LRRTM4: variants seen among roughly 807,000 people sequenced by gnomAD.
LRRTM4 encodes the protein leucine-rich repeat transmembrane neuronal protein 4.
Under a neutral mutation model 47.6 loss-of-function variants are expected in LRRTM4, and 25 were observed. The observed-to-expected ratio is 0.53, with a 90% CI of 0.38 to 0.73. LRRTM4 has a LOEUF of 0.73. Ranked by LOEUF, LRRTM4 falls within the 30% of genes least tolerant of loss-of-function variation. The pLI is 0.00. For synonymous variants in LRRTM4, 311 were observed against 269.5 expected (o/e 1.15, Z -1.51); for missense variants, 638 against 713.4 (o/e 0.89, Z 1.20).
chr2:76,919,030 G>T (rs1016160376), intron 3 of LRRTM4, among the ~76,000 whole-genome samples: 1 of 152,244 alleles, frequency 6.6e-6, no homozygotes, highest in South Asian at 2.1e-4. Flanking sequence ...CAAAATTCAG[G>T]AGAAACTAGG....
At chr2:77,455,636 T>C (rs1209786694) in intron 3 of LRRTM4, among the ~76,000 whole-genome samples, 1 of 152,048 alleles carries the variant, frequency 6.6e-6, no homozygotes, top group South Asian at 2.1e-4. Flanking sequence ...CACCATTACC[T>C]CTATGCTACT....
At chr2:77,061,611 G>T (rs1679787369) in intron 3 of LRRTM4, among the ~76,000 whole-genome samples, 1 of 152,040 alleles carries the variant, frequency 6.6e-6, no homozygotes, top group African/African-American at 2.4e-5. Flanking sequence ...CTTTTTGGTT[G>T]CAGCATTGCT....
At chr2:77,343,060 G>T (rs1253077853) in intron 3 of LRRTM4, among the ~76,000 whole-genome samples, 3 of 152,092 alleles carry the variant, frequency 2.0e-5, no homozygotes, top group African/African-American at 7.2e-5. Context: ...TAAGAGGAAA[G>T]CAAATTAATT....
intron 3 of LRRTM4, among the ~76,000 whole-genome samples, chr2:76,797,110 G>C (rs907000585): frequency 3.3e-5 from 5 of 151,984 alleles, no homozygotes; most frequent in Non-Finnish European, 5.9e-5. Flanking sequence ...AGGAAATACA[G>C]AGAATGCCAC....
In LRRTM4 at chr2:76,921,423, A is replaced by G. The variant is rs1025119508; in HGVS notation, c.1552-172507T>C. Reference sequence around the variant, plus strand: ...ACCTGGTAGAGGTAATGTTTGACAGATTTCTCTACTGTGAAGTTACCTTTC... The same window carrying G: ...ACCTGGTAGAGGTAATGTTTGACAGGTTTCTCTACTGTGAAGTTACCTTTC... On this transcript the variant is annotated intron_variant, in intron 3 of 3. Coordinates refer to ENST00000409884, the MANE Select transcript of LRRTM4 (RefSeq NM_001134745.3). Among the ~76,000 whole-genome samples the G allele has an allele frequency of 8.6e-5, 13 of 151,960 alleles. No homozygotes were observed. In the East Asian group the frequency reaches 1.9e-3, roughly 23 times the overall value.
rs532152452 is a variant in LRRTM4, at chr2:77,518,903, T to C, written c.966A>G (p.Leu322=). Residue 322 remains leucine, a synonymous_variant, in exon 3 of 4, where the codon TTA becomes TTG. Coordinates refer to ENST00000409884, the MANE Select transcript of LRRTM4 (RefSeq NM_001134745.3). ...CTTTGAAATTCTTAAGCCAATAAAA[T>C]AAAGGACAAATGCTCCGACTGCATT... The part of the protein sequence containing the change: ...MWECSRSICP[L]FYWLKNFKGN... 1 of 1,606,806 alleles carries C rather than the reference T, an allele frequency of 6.2e-7. No homozygotes were observed. Among genetic ancestry groups the C allele is most frequent in the African/African-American group, 1.3e-5 (1 of 74,938 alleles).
chr2:77,068,976 A>G (rs978213367), intron 3 of LRRTM4, among the ~76,000 whole-genome samples: 1 of 152,112 alleles, frequency 6.6e-6, no homozygotes, highest in African/African-American at 2.4e-5. Context: ...CCTGCTGCAG[A>G]TATCTAGCCA....
intron 3 of LRRTM4, among the ~76,000 whole-genome samples, chr2:77,189,456 G>A (rs896215442): frequency 6.6e-6 from 1 of 152,070 alleles, no homozygotes; most frequent in African/African-American, 2.4e-5. Flanking sequence ...TTATTAGAAG[G>A]TGGGGCCTCT....
chr2:77,519,324 T>C lies in LRRTM4; in HGVS notation c.545A>G (p.Asn182Ser). The C allele has an allele frequency of 6.2e-7, 1 of 1,613,500 alleles. No individual in the cohort carries two copies. Among genetic ancestry groups the C allele is most frequent in the Non-Finnish European group, 8.5e-7 (1 of 1,179,612 alleles). ...VPIRVFQDCRNLDFLDLGYNR... is the reference protein window; with the variant it reads ...VPIRVFQDCRSLDFLDLGYNR... ...GTAACCCAAATCCAAAAAATCAAGA[T>C]TCCGACAGTCTTGAAAAACTCTTAT... The change falls in exon 3 of 4, where the codon AAT becomes AGT. Residue 182 changes from asparagine to serine, a missense_variant. Transcript: ENST00000409884. This position sits in a 1 kb window ranked among gnomAD's most constrained non-coding sequence, Gnocchi z 4.6.
At chr2:76,934,644 A>T (rs2103843674) in intron 3 of LRRTM4, among the ~76,000 whole-genome samples, 1 of 152,328 alleles carries the variant, frequency 6.6e-6, no homozygotes, top group South Asian at 2.1e-4. Flanking sequence ...GATGTCCCTG[A>T]ACATGGAGCT....
intron 3 of LRRTM4, among the ~76,000 whole-genome samples, chr2:77,408,719 G>C (rs1674305240): frequency 6.6e-6 from 1 of 152,060 alleles, no homozygotes; most frequent in Non-Finnish European, 1.5e-5. Flanking sequence ...CTTGTGCTCT[G>C]TATTATAATT....
chr2:76,852,250 C>T (rs2103976270), intron 3 of LRRTM4, among the ~76,000 whole-genome samples: 1 of 152,278 alleles, frequency 6.6e-6, no homozygotes, highest in East Asian at 1.9e-4. Context: ...TCAAGCCTCT[C>T]ATTACCAGCA....
chr2:77,247,928 G>T (rs1021764725), intron 3 of LRRTM4, among the ~76,000 whole-genome samples: 1 of 150,104 alleles, frequency 6.7e-6, no homozygotes, highest in Non-Finnish European at 1.5e-5. Context: ...TATGGTATAT[G>T]ATATTAATAA....
chr2:77,432,067 C>T (rs532024982), intron 3 of LRRTM4, among the ~76,000 whole-genome samples: 5 of 151,906 alleles, frequency 3.3e-5, no homozygotes, highest in Non-Finnish European at 5.9e-5. Context: ...AGTGAGACTC[C>T]ATCTCAAAAA....
At chr2:76,980,246 T>C (rs890878818) in intron 3 of LRRTM4, among the ~76,000 whole-genome samples, 4 of 152,048 alleles carry the variant, frequency 2.6e-5, no homozygotes, top group African/African-American at 9.7e-5. Context: ...CTGATGACAG[T>C]TGAGTCCCTG....
chr2:77,016,020 G>T (rs1678055357), intron 3 of LRRTM4, among the ~76,000 whole-genome samples: 1 of 152,102 alleles, frequency 6.6e-6, no homozygotes, highest in South Asian at 2.1e-4. Flanking sequence ...AGCAGAGGTT[G>T]CAGTGAGCCG....
At chr2:76,778,936 A>G (rs1323495290) in intron 3 of LRRTM4, among the ~76,000 whole-genome samples, 3 of 151,292 alleles carry the variant, frequency 2.0e-5, no homozygotes, top group African/African-American at 7.3e-5. Flanking sequence ...CTTTGAATGC[A>G]TCCCAGAGAT....
intron 3 of LRRTM4, among the ~76,000 whole-genome samples, chr2:76,926,645 G>A (rs928164249): frequency 6.6e-6 from 1 of 152,100 alleles, no homozygotes; most frequent in African/African-American, 2.4e-5. Flanking sequence ...TGGTGTTAGT[G>A]GTTTCCTTAT....
intron 3 of LRRTM4, among the ~76,000 whole-genome samples, chr2:76,807,405 TAC>T (rs1558667247): frequency 1.1e-4 from 10 of 89,002 alleles, no homozygotes; most frequent in Admixed American, 1.5e-4. Flanking sequence ...TATATGTATA[TAC>T]GTATATATAT....
Sources: allele counts gnomAD v4.1 joint callset (sites outside exome capture counted in the v4.1 genomes callset), GRCh38; gene constraint gnomAD v4.1.1; non-coding constraint Gnocchi (gnomAD v3.1); transcripts MANE v1.5; gene names NCBI Gene and HGNC (gene_info 2026-07-23, HGNC 2026-07-21).